Variants in SEC14L5 observed in about 807,000 individuals in gnomAD.
The protein encoded by SEC14L5 is SEC14 like lipid binding 5, also known as SEC14-like protein 5.
A neutral mutation model predicts 84.6 loss-of-function variants in SEC14L5; 96 were observed. The ratio of observed to expected loss-of-function variants is 1.13; its 90% CI spans 0.96 to 1.34. The LOEUF is 1.34. SEC14L5 is among the 40% of genes most tolerant of loss of function. The pLI is 0.00. For synonymous variants in SEC14L5, 546 were observed against 383.4 expected, an observed-to-expected ratio of 1.42 and a Z score of -4.95; for missense variants, 1,224 against 942.5, an observed-to-expected ratio of 1.30 and a Z score of -3.91.
intron 10 of SEC14L5, among the ~76,000 whole-genome samples, chr16:5,002,598 C>A (rs1334045190): frequency 6.6e-6 from 1 of 152,164 alleles, no homozygotes; most frequent in Non-Finnish European, 1.5e-5. Flanking sequence ...ATAATTCACC[C>A]CAGATGGCTC....
chr16:5,001,566 G>T (rs1393510673), intron 10 of SEC14L5, among the ~76,000 whole-genome samples: 1 of 151,994 alleles, frequency 6.6e-6, no homozygotes, highest in Non-Finnish European at 1.5e-5. Context: ...GCCTGACTTT[G>T]CTTTTTGAGA....
chr16:4,983,277 G>C lies in SEC14L5; in HGVS notation c.64-4280G>C, dbSNP rs527951499. Among the ~76,000 whole-genome samples, 5 of 152,012 alleles carry C rather than the reference G, an allele frequency of 3.3e-5. No homozygotes were observed. In the South Asian group the frequency reaches 1.0e-3, roughly 32 times the overall value. On this transcript the variant is annotated intron_variant, in intron 2 of 15. Transcript: ENST00000251170. ...GATCTGCCTGCCTTGGCTTCCCAAA[G>C]TGTTGGGATTACAGGCATGAGCCAC...
intron 2 of SEC14L5, among the ~76,000 whole-genome samples, chr16:4,971,723 G>A (rs1294526675): frequency 3.3e-5 from 5 of 152,124 alleles, no homozygotes; most frequent in Non-Finnish European, 5.9e-5. Flanking sequence ...TAGGGAGACC[G>A]GTACTTATGT....
At chr16:4,998,487 C>T (rs950519059) in intron 8 of SEC14L5, among the ~76,000 whole-genome samples, 23 of 150,688 alleles carry the variant, frequency 1.5e-4, no homozygotes, top group Non-Finnish European at 3.1e-4. Flanking sequence ...GCCTGTAATC[C>T]CAGCACTTTG....
At chr16:4,968,878 T>C (rs551471591) in intron 2 of SEC14L5, among the ~76,000 whole-genome samples, 1 of 152,350 alleles carries the variant, frequency 6.6e-6, no homozygotes, top group South Asian at 2.1e-4. Flanking sequence ...TTAAAATATT[T>C]AAAGACCTGG....
At chr16:4,962,109 A>T (rs1568098235) in intron 2 of SEC14L5, among the ~76,000 whole-genome samples, 1 of 149,378 alleles carries the variant, frequency 6.7e-6, no homozygotes, top group South Asian at 2.1e-4. Flanking sequence ...AGAATAAGAC[A>T]GGACTGGACA....
At chr16:4,977,715 G>A (rs1039137350) in intron 2 of SEC14L5, among the ~76,000 whole-genome samples, 2 of 152,012 alleles carry the variant, frequency 1.3e-5, no homozygotes, top group African/African-American at 2.4e-5. Context: ...ATAACCTTCC[G>A]GGGCTCCCTG....
intron 2 of SEC14L5, among the ~76,000 whole-genome samples, chr16:4,980,264 C>T (rs1376696102): frequency 6.6e-6 from 1 of 152,188 alleles, no homozygotes; most frequent in African/African-American, 2.4e-5. Flanking sequence ...CTGGGATGGA[C>T]GCCTTCCAGA....
At chr16:4,970,842 G>C (rs117959699) in intron 2 of SEC14L5, among the ~76,000 whole-genome samples, 12,928 of 152,276 alleles carry the variant, frequency 0.085, 707 homozygotes, top group Non-Finnish European at 0.12. Context: ...GGGTGCGGTG[G>C]CTCGTGCCTG....
chr16:5,003,666 T>G (rs1955701762), intron 11 of SEC14L5, 93 bp downstream of exon 11: 1 of 839,934 alleles, frequency 1.2e-6, no homozygotes, highest in Non-Finnish European at 1.8e-6. Context: ...TTTTCCTGTT[T>G]CATTTCATTT....
At chr16:4,961,928 T>A (rs1955126390) in intron 2 of SEC14L5, among the ~76,000 whole-genome samples, 1 of 151,952 alleles carries the variant, frequency 6.6e-6, no homozygotes, top group African/African-American at 2.4e-5. Context: ...TGATTATTTA[T>A]GTTTATCGAC....
chr16:5,014,192 G>C (rs937150849), intron 15 of SEC14L5, among the ~76,000 whole-genome samples: 8 of 152,372 alleles, frequency 5.3e-5, no homozygotes, highest in Middle Eastern at 3.4e-3. Context: ...CAAGTGATGA[G>C]CAGCCCATGT....
At chr16:5,008,698 C>G in intron 14 of SEC14L5, 50 bp downstream of exon 14, 2 of 1,470,256 alleles carry the variant, frequency 1.4e-6, no homozygotes, top group Non-Finnish European at 1.9e-6. Context: ...CACTGAGTGT[C>G]CACTGCGTGC....
intron 8 of SEC14L5, among the ~76,000 whole-genome samples, chr16:4,998,119 C>T (rs541068637): frequency 1.2e-4 from 18 of 150,930 alleles, no homozygotes; most frequent in African/African-American, 2.4e-4. Context: ...GATTCTCCTG[C>T]GTCAGCCTCC....
rs370488645 is a variant in SEC14L5 at position 4,968,213 on chromosome 16, C to G, written c.63+8827C>G. ...TTTTTTTTTGAGACGAAGTTTCGCT[C>G]TTGTTGCCCAGGCTGGAGTGCAGTG... is the stretch of plus-strand genomic sequence containing the variant. On this transcript the variant is annotated intron_variant, in intron 2 of 15. Transcript: ENST00000251170. Among the ~76,000 whole-genome samples the G allele has an allele frequency of 4.1e-4, 62 of 150,306 alleles. 1 individual carries two copies. The highest frequency in any genetic ancestry group is 7.8e-4 in the Non-Finnish European group (53 of 67,518).
intron 4 of SEC14L5, among the ~76,000 whole-genome samples, chr16:4,989,609 A>T (rs1384001978): frequency 8.5e-5 from 13 of 152,124 alleles, no homozygotes; most frequent in Non-Finnish European, 2.9e-5. Flanking sequence ...GGCCTTCCAA[A>T]GTGCTGGGAT....
chr16:5,009,797 G>A (rs1446052707), intron 14 of SEC14L5, among the ~76,000 whole-genome samples: 1 of 152,128 alleles, frequency 6.6e-6, no homozygotes, highest in Non-Finnish European at 1.5e-5. Flanking sequence ...ACATTCAAGT[G>A]GCTTCAGTAT....
chr16:5,003,393 C>T lies in SEC14L5; in HGVS notation c.1131-9C>T, dbSNP rs372836985. 8.7e-6 allele frequency: 14 copies of T among 1,609,976 alleles called. No individual in the cohort carries two copies. Among genetic ancestry groups the T allele is most frequent in the Non-Finnish European group, 1.2e-5 (14 of 1,178,402 alleles). ...GAGCCAGGTGGAGCTGGGGCTATTT[C>T]TGCCACAGCTCCTGGACCTGCCTGC... On this transcript the variant is annotated splice_polypyrimidine_tract_variant and intron_variant, in intron 10 of 15. Coordinates refer to ENST00000251170, the MANE Select transcript of SEC14L5 (RefSeq NM_014692.2).
intron 10 of SEC14L5, among the ~76,000 whole-genome samples, chr16:5,002,695 C>G (rs1044065580): frequency 6.6e-6 from 1 of 152,072 alleles, no homozygotes; most frequent in African/African-American, 2.4e-5. Flanking sequence ...CTCCCGGGCA[C>G]CAGCCGCTGC....
Sources: allele counts gnomAD v4.1 joint callset (sites outside exome capture counted in the v4.1 genomes callset), GRCh38; gene constraint gnomAD v4.1.1; transcripts MANE v1.5; gene names NCBI Gene and HGNC (gene_info 2026-07-23, HGNC 2026-07-21).